The following PHF21A variants were observed in gnomAD, a reference collection of about 807,000 sequenced individuals.
The protein encoded by PHF21A is PHD finger protein 21A, also known as BHC80a.
Under a neutral mutation model 82.5 loss-of-function variants are expected in PHF21A, and 11 were observed. That is an observed-to-expected ratio of 0.13 (90% CI 0.08 to 0.22). PHF21A has a LOEUF of 0.22. Ranked by LOEUF, PHF21A falls within the 10% of genes least tolerant of loss-of-function variation. PHF21A has a pLI of 1.00. For missense variants in PHF21A, 579 were observed against 837.8 expected, an observed-to-expected ratio of 0.69 and a Z score of 3.81; for synonymous variants, 297 against 302.8, an observed-to-expected ratio of 0.98 and a Z score of 0.20.
At chr11:45,936,831 T>A in intron 16 of PHF21A, 1 of 398,014 alleles carries the variant, frequency 2.5e-6, no homozygotes. Context: ...AGCATTCCTA[T>A]CTTTTCACAC....
At chr11:46,002,328 A>G (rs1224714380) in intron 6 of PHF21A, among the ~76,000 whole-genome samples, 1 of 152,220 alleles carries the variant, frequency 6.6e-6, no homozygotes, top group Non-Finnish European at 1.5e-5. Context: ...CTTCATAACT[A>G]GAATGCATAG....
chr11:45,963,955 T>C (rs2093274445), intron 10 of PHF21A, among the ~76,000 whole-genome samples: 2 of 151,998 alleles, frequency 1.3e-5, no homozygotes, highest in Admixed American at 6.6e-5. Context: ...TCCCACCACT[T>C]TGGGAGGCTG....
intron 10 of PHF21A, among the ~76,000 whole-genome samples, chr11:45,957,350 A>C (rs971711277): frequency 6.6e-6 from 1 of 152,226 alleles, no homozygotes; most frequent in Non-Finnish European, 1.5e-5. Context: ...TCAAGTGTAC[A>C]TGAAACATTC....
intron 7 of PHF21A, among the ~76,000 whole-genome samples, chr11:45,973,026 C>T (rs569551924): frequency 4.6e-5 from 7 of 151,960 alleles, no homozygotes; most frequent in African/African-American, 1.4e-4. Context: ...TGCAGTGAGC[C>T]GAGATCACAC....
chr11:46,082,487 TTC>T (rs1430426819), intron 4 of PHF21A, among the ~76,000 whole-genome samples: 10 of 152,198 alleles, frequency 6.6e-5, no homozygotes, highest in African/African-American at 2.2e-4. Flanking sequence ...AATATATGCT[TTC>T]TCTGTTAAAA....
chr11:46,036,522 G>C (rs936118123), intron 6 of PHF21A, among the ~76,000 whole-genome samples: 1 of 152,068 alleles, frequency 6.6e-6, no homozygotes, highest in Non-Finnish European at 1.5e-5. Flanking sequence ...TCCTTAAAAC[G>C]TTCAATCTCC....
At chr11:45,971,489 G>A (rs2093739132) in intron 7 of PHF21A, 122 bp from the exon 8 acceptor site, 1 of 905,614 alleles carries the variant, frequency 1.1e-6, no homozygotes, top group Non-Finnish European at 1.6e-6. Context: ...TCATAATCAA[G>A]TTTCTCTGTA....
chr11:46,100,029 T>G (rs1167784792), intron 1 of PHF21A, among the ~76,000 whole-genome samples: 1 of 152,204 alleles, frequency 6.6e-6, no homozygotes, highest in Non-Finnish European at 1.5e-5. Context: ...GAAATGTCAA[T>G]GAGAAGTGGA....
intron 1 of PHF21A, among the ~76,000 whole-genome samples, chr11:46,097,093 C>T (rs1329879830): frequency 1.3e-5 from 2 of 152,170 alleles, no homozygotes; most frequent in East Asian, 3.9e-4. Context: ...CCTACCACCT[C>T]CCTGGTCCAA....
intron 6 of PHF21A, among the ~76,000 whole-genome samples, chr11:46,062,635 A>G (rs553540514): frequency 1.3e-5 from 2 of 152,192 alleles, no homozygotes; most frequent in South Asian, 4.1e-4. Flanking sequence ...CTTCCCTTAA[A>G]TATCTAGTGA....
chr11:45,938,440 G>C lies in PHF21A; in HGVS notation c.1453-128C>G, dbSNP rs1055654018. On this transcript the variant is annotated intron_variant, in intron 15 of 18. Coordinates refer to ENST00000676320, the MANE Select transcript of PHF21A (RefSeq NM_001352027.3). Reference sequence around the variant, plus strand: ...TGCCTCGTTCCAGGAGTACTCAAGAGAAGCAGGAATCACCAATAGCACATG... The same window carrying C: ...TGCCTCGTTCCAGGAGTACTCAAGACAAGCAGGAATCACCAATAGCACATG... 1.3e-5 allele frequency: 9 copies of C among 719,888 alleles called. No homozygotes were observed. The Admixed American group carries it at 1.6e-4, about 13-fold the overall frequency. The allele number at this position is 719,888 out of a possible 1,614,324, so 44.6% of individuals were successfully genotyped here.
chr11:46,109,972 C>G (rs1160377423), intron 1 of PHF21A, among the ~76,000 whole-genome samples: 1 of 147,160 alleles, frequency 6.8e-6, no homozygotes, highest in African/African-American at 2.5e-5. Flanking sequence ...CAGGGCAAGA[C>G]TCCGTGTCAA....
intron 3 of PHF21A, among the ~76,000 whole-genome samples, chr11:46,087,488 A>C (rs2096869962): frequency 6.6e-6 from 1 of 152,242 alleles, no homozygotes; most frequent in African/African-American, 2.4e-5. Context: ...AAAAGGGTTA[A>C]AAAAGTTAGG....
intron 7 of PHF21A, among the ~76,000 whole-genome samples, chr11:45,972,687 G>A (rs1440469778): frequency 6.6e-6 from 1 of 152,226 alleles, no homozygotes; most frequent in African/African-American, 2.4e-5. Context: ...GCCGATGCGG[G>A]TGGATTGCCT....
chr11:45,981,487 C>T (rs552643309), intron 6 of PHF21A, among the ~76,000 whole-genome samples: 31 of 147,238 alleles, frequency 2.1e-4, no homozygotes, highest in Admixed American at 2.0e-3. Flanking sequence ...CAAAGACCAA[C>T]AAATGGCTCA....
intron 6 of PHF21A, among the ~76,000 whole-genome samples, chr11:46,067,225 T>C (rs1343510854): frequency 6.6e-6 from 1 of 152,096 alleles, no homozygotes; most frequent in African/African-American, 2.4e-5. Flanking sequence ...GACCCTAGGT[T>C]TGCACTATGC....
chr11:46,117,853 T>G (rs1423695089), intron 1 of PHF21A: 1 of 152,222 alleles, frequency 6.6e-6, no homozygotes, highest in African/African-American at 2.4e-5. Flanking sequence ...ACATCTACTT[T>G]GTACAGTCAA....
At chr11:46,066,006 T>C (rs2096589713) in intron 6 of PHF21A, among the ~76,000 whole-genome samples, 1 of 152,216 alleles carries the variant, frequency 6.6e-6, no homozygotes, top group South Asian at 2.1e-4. Flanking sequence ...TGATTTAAAA[T>C]TTCAAAAGAC....
At chr11:46,058,332 T>C (rs2096488517) in intron 6 of PHF21A, among the ~76,000 whole-genome samples, 1 of 152,200 alleles carries the variant, frequency 6.6e-6, no homozygotes, top group South Asian at 2.1e-4. Context: ...TGTGTCACAT[T>C]GTTGGTAAAA....
Sources: gnomAD v4.1 joint callset for allele counts (sites outside exome capture counted in the v4.1 genomes callset) on GRCh38, gnomAD v4.1.1 for gene constraint, MANE v1.5 for transcripts, NCBI Gene and HGNC (gene_info 2026-07-23, HGNC 2026-07-21) for gene names.